The following EIF4G3 variants were observed in gnomAD, a reference collection of about 807,000 sequenced individuals.
EIF4G3 encodes eIF-4-gamma 3.
In EIF4G3, 34 loss-of-function variants were observed where a neutral mutation model predicts 186.4. The observed-to-expected ratio is 0.18, with a 90% CI of 0.14 to 0.24. The LOEUF (loss-of-function observed/expected upper bound fraction) is 0.24. Ranked by LOEUF, EIF4G3 falls within the 10% of genes least tolerant of loss-of-function variation. The pLI, the probability that EIF4G3 is intolerant of heterozygous loss-of-function variation, is 1.00. For missense variants in EIF4G3, 1,536 were observed against 1,948.5 expected (o/e 0.79, Z 3.99); for synonymous variants, 673 against 679.5 (o/e 0.99, Z 0.15).
At chr1:21,168,411 TAA>T (rs113247116) in intron 2 of EIF4G3, among the ~76,000 whole-genome samples, 1 of 150,144 alleles carries the variant, frequency 6.7e-6, no homozygotes, top group African/African-American at 2.4e-5. Flanking sequence ...CTCAATTTTT[TAA>T]AAAAAAAAAG....
chr1:20,908,762 G>C (rs1328885453), intron 14 of EIF4G3, among the ~76,000 whole-genome samples: 1 of 152,100 alleles, frequency 6.6e-6, no homozygotes, highest in Non-Finnish European at 1.5e-5. Flanking sequence ...TGGAGACTGA[G>C]GGCTAGGGCT....
intron 14 of EIF4G3, among the ~76,000 whole-genome samples, chr1:20,932,368 G>A (rs1238662224): frequency 5.9e-5 from 9 of 152,164 alleles, no homozygotes. Context: ...GATCACTGGA[G>A]TAGCACTTTA....
At chr1:20,859,973 AAT>A (rs1305219402) in intron 24 of EIF4G3, among the ~76,000 whole-genome samples, 1 of 152,212 alleles carries the variant, frequency 6.6e-6, no homozygotes, top group Admixed American at 6.5e-5. Flanking sequence ...TTTAACAGTT[AAT>A]GGAGAACACA....
intron 2 of EIF4G3, among the ~76,000 whole-genome samples, chr1:21,166,239 C>A (rs576866222): frequency 1.4e-5 from 2 of 146,746 alleles, no homozygotes; most frequent in Admixed American, 6.9e-5. Context: ...TCAGCCTGGG[C>A]AACAAACTGA....
At chr1:20,880,990 C>G (rs186832626) in intron 19 of EIF4G3, among the ~76,000 whole-genome samples, 1 of 152,042 alleles carries the variant, frequency 6.6e-6, no homozygotes, top group East Asian at 1.9e-4. Flanking sequence ...TTTATATGAA[C>G]ACACACACAC....
chr1:20,929,150 C>G (rs1233567207), intron 14 of EIF4G3, among the ~76,000 whole-genome samples: 2 of 152,080 alleles, frequency 1.3e-5, no homozygotes, highest in African/African-American at 4.8e-5. Context: ...GGGTTGTTAC[C>G]ACTTTATGGC....
At chr1:21,094,204 G>A (rs1336809252) in intron 2 of EIF4G3, among the ~76,000 whole-genome samples, 1 of 151,824 alleles carries the variant, frequency 6.6e-6, no homozygotes, top group Non-Finnish European at 1.5e-5. Context: ...GTGGAAGACA[G>A]TGTGGCGATT....
intron 2 of EIF4G3, among the ~76,000 whole-genome samples, chr1:21,172,206 G>A (rs887646029): frequency 1.3e-5 from 2 of 151,126 alleles, no homozygotes; most frequent in African/African-American, 4.9e-5. Context: ...GAAAAAGCAG[G>A]CCGGCAGAAG....
chr1:20,814,516 T>C (rs975880536), intron 34 of EIF4G3, among the ~76,000 whole-genome samples: 1 of 152,088 alleles, frequency 6.6e-6, no homozygotes, highest in African/African-American at 2.4e-5. Context: ...ATCTACTCAA[T>C]CTATGAAAGA....
chr1:20,914,099 C>T (rs368560176), intron 14 of EIF4G3, among the ~76,000 whole-genome samples: 1 of 151,534 alleles, frequency 6.6e-6, no homozygotes, highest in Non-Finnish European at 1.5e-5. Context: ...TGAGCCACCA[C>T]GCCCTGCCTT....
At chr1:20,939,445 T>C (rs575874868) in intron 14 of EIF4G3, among the ~76,000 whole-genome samples, 2 of 152,300 alleles carry the variant, frequency 1.3e-5, no homozygotes, top group South Asian at 2.1e-4. Context: ...AAATGTACCA[T>C]GGTATGAACA....
intron 14 of EIF4G3, among the ~76,000 whole-genome samples, chr1:20,933,525 C>T (rs151000006): frequency 5.9e-5 from 9 of 151,836 alleles, no homozygotes; most frequent in Admixed American, 1.3e-4. Flanking sequence ...CGTGGTGGTG[C>T]GCACCTGTAA....
At chr1:21,161,042 A>C (rs1051831994) in intron 2 of EIF4G3, among the ~76,000 whole-genome samples, 2 of 152,142 alleles carry the variant, frequency 1.3e-5, no homozygotes, top group African/African-American at 4.8e-5. Flanking sequence ...GCAGTAGTGC[A>C]CACCTATAAT....
At chr1:21,116,536 G>A (rs183565922) in intron 2 of EIF4G3, among the ~76,000 whole-genome samples, 28 of 152,026 alleles carry the variant, frequency 1.8e-4, no homozygotes, top group African/African-American at 4.6e-4. Flanking sequence ...CCAAAATCTC[G>A]TTTAAAATAT....
rs2074012739 is a variant in EIF4G3, at chr1:20,853,651, AACTGGAAGC to A, written c.3451_3459del (p.Ala1151_Ser1153del). Reference sequence around the variant, plus strand: ...GGTTGCAGGGCAGAGAATCTGTTTAAACTGGAAGCACTTGACCGTAAGGCATCTACACAT... The same window carrying A: ...GGTTGCAGGGCAGAGAATCTGTTTAAACTTGACCGTAAGGCATCTACACAT... On this transcript the variant is annotated inframe_deletion, in exon 27 of 37. Transcript: ENST00000602326. 6.2e-7 allele frequency: 1 copy of A among 1,612,034 alleles called. No homozygotes were observed. The highest frequency in any genetic ancestry group is 2.2e-5 in the East Asian group (1 of 44,772).
At chr1:20,813,334 C>A (rs2059631336) in intron 34 of EIF4G3, 95 bp from the exon 35 acceptor site, 4 of 688,226 alleles carry the variant, frequency 5.8e-6, no homozygotes, top group Admixed American at 2.5e-5. Context: ...GAGGCCGAGA[C>A]AGGAGGATCA....
intron 4 of EIF4G3, among the ~76,000 whole-genome samples, chr1:21,020,157 G>A (rs2090325951): frequency 1.3e-5 from 2 of 152,204 alleles, no homozygotes; most frequent in Admixed American, 6.5e-5. Flanking sequence ...ACACTATGCT[G>A]AACTCAGGCT....
chr1:21,082,945 G>A (rs1379163835), intron 3 of EIF4G3, among the ~76,000 whole-genome samples: 1 of 147,906 alleles, frequency 6.8e-6, no homozygotes, highest in African/African-American at 2.5e-5. Flanking sequence ...GGCTGAGGCA[G>A]GAGAATGGCA....
chr1:21,162,630 C>A (rs2102969905), intron 2 of EIF4G3, among the ~76,000 whole-genome samples: 1 of 152,158 alleles, frequency 6.6e-6, no homozygotes, highest in South Asian at 2.1e-4. Flanking sequence ...GTAATGCCAG[C>A]TACTCTGTAG....
Sources: gnomAD v4.1 joint callset for allele counts (sites outside exome capture counted in the v4.1 genomes callset) on GRCh38, gnomAD v4.1.1 for gene constraint, MANE v1.5 for transcripts, NCBI Gene and HGNC (gene_info 2026-07-23, HGNC 2026-07-21) for gene names.